The following NKAIN3 variants were observed in gnomAD, a reference collection of about 807,000 sequenced individuals.
The protein encoded by NKAIN3 is sodium/potassium transporting ATPase interacting 3.
In NKAIN3, 25 loss-of-function variants were observed where a neutral mutation model predicts 30.2. That is an observed-to-expected ratio of 0.83 (90% CI 0.60 to 1.16). The LOEUF (loss-of-function observed/expected upper bound fraction) is 1.16. Ranked by LOEUF, NKAIN3 falls within the 50% of genes most tolerant of loss-of-function variation. NKAIN3 has a pLI of 0.00. For synonymous variants in NKAIN3, 91 were observed against 89.6 expected (o/e 1.02, Z -0.09); for missense variants, 225 against 254.1 (o/e 0.89, Z 0.78).
chr8:62,955,482 T>A (rs1823395581), intron 6 of NKAIN3, among the ~76,000 whole-genome samples: 1 of 152,054 alleles, frequency 6.6e-6, no homozygotes, highest in African/African-American at 2.4e-5. Context: ...AGAGTCTTCA[T>A]ATATTTGTTA....
intron 1 of NKAIN3, among the ~76,000 whole-genome samples, chr8:62,258,101 G>A (rs572589977): frequency 3.8e-4 from 58 of 151,886 alleles, no homozygotes; most frequent in African/African-American, 1.3e-3. Context: ...TATGTTTTCA[G>A]TCTCTAGGAT....
intron 3 of NKAIN3, among the ~76,000 whole-genome samples, chr8:62,741,420 A>AAGGAAGGCAGGC (rs1189442434): frequency 7.3e-6 from 1 of 136,358 alleles, no homozygotes; most frequent in African/African-American, 3.0e-5. Context: ...GGAAGGAAGG[A>AAGGAAGGCAGGC]AGGCAGGCAA....
At chr8:62,315,461 T>C (rs564908068) in intron 1 of NKAIN3, among the ~76,000 whole-genome samples, 60 of 152,230 alleles carry the variant, frequency 3.9e-4, no homozygotes, top group Non-Finnish European at 1.2e-4. Context: ...TAGTATTTCA[T>C]AGAAGTTGAT....
At chr8:62,588,201 T>C (rs1810537905) in intron 2 of NKAIN3, among the ~76,000 whole-genome samples, 2 of 151,850 alleles carry the variant, frequency 1.3e-5, no homozygotes, top group African/African-American at 4.8e-5. Context: ...GCCATCTTGC[T>C]AGCAAGAGCT....
chr8:62,728,517 G>T (rs13268291), intron 3 of NKAIN3, among the ~76,000 whole-genome samples: 88,543 of 142,922 alleles, frequency 0.62, 28,024 homozygotes, highest in Non-Finnish European at 0.74. Context: ...TACAAAATTA[G>T]CTGGGCATGG....
chr8:62,852,368 G>A lies in NKAIN3; in HGVS notation c.472-66085G>A, dbSNP rs777516472. Among the ~76,000 whole-genome samples, 77 of 152,122 alleles carry A rather than the reference G, an allele frequency of 5.1e-4. No individual in the cohort carries two copies. In the Middle Eastern group the frequency reaches 0.014, roughly 27 times the overall value. On this transcript the variant is annotated intron_variant, in intron 4 of 6. Coordinates refer to ENST00000623646, the MANE Select transcript of NKAIN3 (RefSeq NM_001304533.3). ...CTTTTCTTCTTTATTAGTCTTGCTAGCGGGCTATCAATTTTGTTGATCTTT... is the reference window on the plus strand; with the variant it reads ...CTTTTCTTCTTTATTAGTCTTGCTAACGGGCTATCAATTTTGTTGATCTTT...
intron 5 of NKAIN3, among the ~76,000 whole-genome samples, chr8:62,919,042 AG>A (rs1284013139): frequency 6.6e-6 from 1 of 151,932 alleles, no homozygotes; most frequent in Non-Finnish European, 1.5e-5. Flanking sequence ...GATGCTTAAA[AG>A]CTAAATCATG....
intron 1 of NKAIN3, among the ~76,000 whole-genome samples, chr8:62,270,725 A>T (rs78572331): frequency 6.6e-6 from 1 of 152,192 alleles, no homozygotes; most frequent in Admixed American, 6.5e-5. Flanking sequence ...ACTCCTGCCA[A>T]TCTCCAACCC....
At chr8:62,846,837 G>A (rs1819703359) in intron 4 of NKAIN3, among the ~76,000 whole-genome samples, 1 of 152,138 alleles carries the variant, frequency 6.6e-6, no homozygotes, top group East Asian at 1.9e-4. Flanking sequence ...CATGGCTGGG[G>A]AGGCCTCACA....
chr8:62,527,420 C>A (rs757445781), intron 1 of NKAIN3, among the ~76,000 whole-genome samples: 2 of 152,122 alleles, frequency 1.3e-5, no homozygotes, highest in East Asian at 3.9e-4. Context: ...GTCAGGACAA[C>A]AGACCAGATA....
chr8:62,740,939 T>C (rs1043014047), intron 3 of NKAIN3, among the ~76,000 whole-genome samples: 4 of 151,890 alleles, frequency 2.6e-5, no homozygotes, highest in Non-Finnish European at 2.9e-5. Context: ...ACCTCACACA[T>C]GGTTATCAGG....
At chr8:62,453,060 C>A (rs907043675) in intron 1 of NKAIN3, among the ~76,000 whole-genome samples, 20 of 152,150 alleles carry the variant, frequency 1.3e-4, no homozygotes, top group Non-Finnish European at 5.9e-5. Flanking sequence ...GAATAAATAT[C>A]ACTTATGTGT....
At chr8:62,318,716 T>C (rs995408350) in intron 1 of NKAIN3, among the ~76,000 whole-genome samples, 5 of 152,184 alleles carry the variant, frequency 3.3e-5, no homozygotes, top group Non-Finnish European at 1.5e-5. Context: ...TTTTTGATGT[T>C]CTGCTGGATT....
intron 6 of NKAIN3, among the ~76,000 whole-genome samples, chr8:62,962,856 G>T (rs977685663): frequency 1.3e-5 from 2 of 152,080 alleles, no homozygotes; most frequent in Non-Finnish European, 1.5e-5. Context: ...TGATGAATGC[G>T]TAGAGATTCA....
intron 4 of NKAIN3, among the ~76,000 whole-genome samples, chr8:62,755,344 A>T (rs1051253261): frequency 6.6e-6 from 1 of 152,200 alleles, no homozygotes; most frequent in African/African-American, 2.4e-5. Context: ...GGCTGATGGG[A>T]TTTAATTGCA....
intron 1 of NKAIN3, among the ~76,000 whole-genome samples, chr8:62,276,067 T>C (rs904362680): frequency 2.0e-5 from 3 of 152,100 alleles, no homozygotes; most frequent in African/African-American, 7.2e-5. Context: ...CTTTTTTCTT[T>C]TTTCTTTTAT....
chr8:62,426,965 G>C (rs1456863967), intron 1 of NKAIN3, among the ~76,000 whole-genome samples: 1 of 151,958 alleles, frequency 6.6e-6, no homozygotes, highest in East Asian at 1.9e-4. Flanking sequence ...AGCACCTGTA[G>C]ATCACAGGAC....
intron 3 of NKAIN3, among the ~76,000 whole-genome samples, chr8:62,683,517 T>C (rs1340261352): frequency 6.6e-6 from 1 of 152,196 alleles, no homozygotes; most frequent in Admixed American, 6.5e-5. Context: ...GAAATCATAA[T>C]GTGTTAGGGT....
At chr8:62,722,269 T>C (rs1427062978) in intron 3 of NKAIN3, among the ~76,000 whole-genome samples, 2 of 152,330 alleles carry the variant, frequency 1.3e-5, no homozygotes, top group Non-Finnish European at 2.9e-5. Context: ...ATTCAAGTTG[T>C]TGAGATTAAT....
Sources: gnomAD v4.1 joint callset for allele counts (sites outside exome capture counted in the v4.1 genomes callset) on GRCh38, gnomAD v4.1.1 for gene constraint, MANE v1.5 for transcripts, NCBI Gene and HGNC (gene_info 2026-07-23, HGNC 2026-07-21) for gene names.